Variants in PLAC1 observed in about 807,000 individuals in gnomAD.
PLAC1 encodes the protein placenta associated 1.
For synonymous variants in PLAC1, 68 were observed against 62.1 expected (o/e 1.09, Z -0.44); for missense variants, 136 against 163.2 (o/e 0.83, Z 0.91).
intron 2 of PLAC1, among the ~76,000 whole-genome samples, chrX:134,592,116 C>T (rs2078041611): frequency 3.6e-5 from 4 of 112,194 alleles, no homozygotes; most frequent in African/African-American, 1.3e-4. Flanking sequence ...TCTTCTTTCA[C>T]AGAGCAAATG....
At chrX:134,611,544 T>C (rs1215562904) in intron 1 of PLAC1, among the ~76,000 whole-genome samples, 1 of 107,143 alleles carries the variant, frequency 9.3e-6, no homozygotes, top group Non-Finnish European at 1.9e-5. Flanking sequence ...TATATATGCA[T>C]ATACACATAT....
rs368721967 is a variant in PLAC1, at chrX:134,723,607, C to T, written n.174+9828G>A. On this transcript the variant is annotated intron_variant and non_coding_transcript_variant, in intron 2 of 2. Transcript: ENST00000466797. ...AGATTACAGACATGAGCCCCAGCTC[C>T]CAGCCAAGAATGTATTACCTTAAGA... 2.2e-4 allele frequency among the ~76,000 whole-genome samples: 24 copies of T among 110,888 alleles called. 1 individual carries two copies. In the East Asian group the frequency reaches 3.1e-3, roughly 14 times the overall value.
intron 2 of PLAC1, among the ~76,000 whole-genome samples, chrX:134,680,520 A>AAACTAAACTG (rs2078491099): frequency 4.8e-5 from 5 of 105,169 alleles, no homozygotes; most frequent in Admixed American, 2.2e-4. Flanking sequence ...AAGTATTCCT[A>AAACTAAACTG]AACTAAACTG....
At chrX:134,689,548 T>C (rs1377240039) in intron 2 of PLAC1, among the ~76,000 whole-genome samples, 1 of 111,663 alleles carries the variant, frequency 9.0e-6, no homozygotes, top group East Asian at 2.8e-4. Flanking sequence ...GTGTCTCCTG[T>C]GTCTGTTGCC....
At chrX:134,724,318 G>C (rs2078667347) in intron 2 of PLAC1, among the ~76,000 whole-genome samples, 1 of 112,348 alleles carries the variant, frequency 8.9e-6, no homozygotes, top group Non-Finnish European at 1.9e-5. Context: ...AGGGTGTTTA[G>C]GAACTATCTA....
intron 2 of PLAC1, among the ~76,000 whole-genome samples, chrX:134,674,986 C>A (rs1419929183): frequency 1.8e-5 from 2 of 112,364 alleles, no homozygotes; most frequent in Non-Finnish European, 3.8e-5. Context: ...TTAGCTGAGG[C>A]TCTTTGGACA....
At chrX:134,704,054 G>A (rs2078592621) in intron 2 of PLAC1, among the ~76,000 whole-genome samples, 2 of 104,226 alleles carry the variant, frequency 1.9e-5, no homozygotes, top group Middle Eastern at 4.8e-3. Context: ...TGTGCAGTCC[G>A]TGGGTGTATG....
intron 1 of PLAC1, among the ~76,000 whole-genome samples, chrX:134,734,334 A>G (rs2078697186): frequency 8.9e-6 from 1 of 112,616 alleles, no homozygotes; most frequent in African/African-American, 3.2e-5. Flanking sequence ...TGGTTTCGGG[A>G]GAACTATTAG....
chrX:134,699,925 A>G lies in PLAC1; in HGVS notation n.174+33510T>C, dbSNP rs181682287. ...CATGTACACTCTCTTCTGCTAATGA[A>G]ACACCAGTCACAGAGTCCTTTCTAT... On this transcript the variant is annotated intron_variant and non_coding_transcript_variant, in intron 2 of 2. Coordinates refer to the PLAC1 transcript ENST00000466797. Among the ~76,000 whole-genome samples, 5 of 111,995 alleles carry G rather than the reference A, an allele frequency of 4.5e-5. No homozygotes were observed. In the East Asian group the frequency reaches 1.4e-3, roughly 31 times the overall value.
Position 134,665,108 on chromosome X carries a change from TTGTG to T in PLAC1, n.175-62990_175-62987del, listed in dbSNP as rs759708556. ...TGTGTGTGTGTGTATGTGAGTGTGT[TTGTG>T]TGTGTGTGTGTTTGTGTGTATGTGT... On this transcript the variant is annotated intron_variant and non_coding_transcript_variant, in intron 2 of 2. Coordinates refer to the PLAC1 transcript ENST00000466797. 8.4e-4 allele frequency among the ~76,000 whole-genome samples: 88 copies of T among 104,276 alleles called. 1 individual carries two copies. The highest frequency in any genetic ancestry group is 3.0e-3 in the African/African-American group (82 of 27,312). 90.6% of individuals were successfully genotyped at this position (104,276 alleles called of 115,157 possible).
At chrX:134,664,692 A>T (rs912080649) in intron 2 of PLAC1, among the ~76,000 whole-genome samples, 1 of 112,050 alleles carries the variant, frequency 8.9e-6, no homozygotes, top group Non-Finnish European at 1.9e-5. Context: ...TTTTGGCACT[A>T]TTAAGCTTCA....
At chrX:134,712,560 C>T (rs1413889933) in intron 2 of PLAC1, among the ~76,000 whole-genome samples, 1 of 111,625 alleles carries the variant, frequency 9.0e-6, no homozygotes, top group Non-Finnish European at 1.9e-5. Flanking sequence ...ACAGTCACTA[C>T]TTTACCTAAG....
intron 2 of PLAC1, among the ~76,000 whole-genome samples, chrX:134,685,054 G>C (rs2078511667): frequency 1.8e-5 from 2 of 112,377 alleles, no homozygotes; most frequent in Admixed American, 9.4e-5. Flanking sequence ...GAGGGCCTCA[G>C]CAGAGCAGCT....
chrX:134,608,447 T>G (rs1315037987), intron 1 of PLAC1, among the ~76,000 whole-genome samples: 1 of 111,737 alleles, frequency 8.9e-6, no homozygotes, highest in East Asian at 2.8e-4. Flanking sequence ...TGCTATATGA[T>G]CCCAGTTACA....
At chrX:134,580,576 G>C (rs2077969083) in intron 2 of PLAC1, among the ~76,000 whole-genome samples, 1 of 111,934 alleles carries the variant, frequency 8.9e-6, no homozygotes, top group Admixed American at 9.5e-5. Context: ...GGACATAAAA[G>C]AGTGGCAACG....
At chrX:134,687,377 C>T (rs1294715819) in intron 2 of PLAC1, among the ~76,000 whole-genome samples, 3 of 110,926 alleles carry the variant, frequency 2.7e-5, no homozygotes, top group Non-Finnish European at 5.7e-5. Context: ...TAAAACCTTA[C>T]GAGTTTTTGT....
intron 1 of PLAC1, among the ~76,000 whole-genome samples, chrX:134,656,886 CT>C (rs369579043): frequency 9.2e-5 from 10 of 108,634 alleles, no homozygotes; most frequent in Non-Finnish European, 1.3e-4. Context: ...CATGCCCAGC[CT>C]TTTTTTTTTC....
intron 2 of PLAC1, among the ~76,000 whole-genome samples, chrX:134,590,391 AAC>A (rs1341235359): frequency 1.8e-5 from 2 of 111,007 alleles, no homozygotes; most frequent in Non-Finnish European, 3.8e-5. Flanking sequence ...AAAGGGAACT[AAC>A]ACAGGGTTTC....
intron 1 of PLAC1, among the ~76,000 whole-genome samples, chrX:134,655,033 A>G (rs1245685558): frequency 8.9e-6 from 1 of 111,881 alleles, no homozygotes; most frequent in Non-Finnish European, 1.9e-5. Context: ...TTACAAACAC[A>G]TACATAGGCT....
Sources: gnomAD v4.1 joint callset for allele counts (sites outside exome capture counted in the v4.1 genomes callset) on GRCh38, gnomAD v4.1.1 for gene constraint, MANE v1.5 for transcripts, NCBI Gene and HGNC (gene_info 2026-07-23, HGNC 2026-07-21) for gene names.